The following TUBGCP3 variants were observed in gnomAD, a reference collection of about 807,000 sequenced individuals.
TUBGCP3 encodes gamma-tubulin complex component 3.
Under a neutral mutation model 123.1 loss-of-function variants are expected in TUBGCP3, and 50 were observed. The ratio of observed to expected loss-of-function variants is 0.41; its 90% CI spans 0.32 to 0.51. TUBGCP3 has a LOEUF of 0.51. Among genes scored for constraint, TUBGCP3 ranks in the 20% least tolerant of loss-of-function variants. The pLI, the probability that TUBGCP3 is intolerant of heterozygous loss-of-function variation, is 0.36. For synonymous variants in TUBGCP3, 405 were observed against 413.9 expected (o/e 0.98, Z 0.26); for missense variants, 882 against 1,127.0 (o/e 0.78, Z 3.11).
At position 112,545,953 on chromosome 13, in the gene TUBGCP3, A is replaced by G; in HGVS notation, c.1169-88T>C. The G allele has an allele frequency of 6.9e-7, 1 of 1,449,856 alleles. No homozygotes were observed. The highest frequency in any genetic ancestry group is 9.5e-7 in the Non-Finnish European group (1 of 1,052,346). 89.8% of individuals were successfully genotyped at this position (1,449,856 alleles called of 1,614,324 possible). A position where few individuals can be genotyped will look rare whatever the true frequency, so the allele number is the denominator to read the frequency against. On this transcript the variant is annotated intron_variant, in intron 10 of 21. Transcript: ENST00000261965. This position sits in a 1 kb window ranked among gnomAD's most constrained non-coding sequence, Gnocchi z 4.1. The stretch of plus-strand genomic sequence containing the variant: ...CACTTCTCACCAACCAAAGACGCCC[A>G]AGTAATTGAGATAAAGAGCATTTGT...
rs919242033 is a variant in TUBGCP3, at chr13:112,520,090, A to T, written c.1746-69T>A. The T allele has an allele frequency of 3.4e-6, 5 of 1,459,480 alleles. No homozygotes were observed. The African/African-American group carries it at 7.2e-5, about 21-fold the overall frequency. 90.4% of individuals were successfully genotyped at this position (1,459,480 alleles called of 1,614,324 possible). ...CTTAATGAACTTTAAAAAACGTATA[A>T]ACTATTAAAAGTAAGAGTTCAAATT... On this transcript the variant is annotated intron_variant, in intron 14 of 21. Coordinates refer to ENST00000261965, the MANE Select transcript of TUBGCP3 (RefSeq NM_006322.6).
chr13:112,570,512 T>C (rs1881315108), intron 1 of TUBGCP3, among the ~76,000 whole-genome samples: 1 of 147,366 alleles, frequency 6.8e-6, no homozygotes, highest in Non-Finnish European at 1.5e-5. Flanking sequence ...AAAAAACATA[T>C]ACACAGCCTT....
intron 20 of TUBGCP3, among the ~76,000 whole-genome samples, chr13:112,496,588 T>A (rs9550117): frequency 0.14 from 21,871 of 152,238 alleles, 1,911 homozygotes; most frequent in Non-Finnish European, 0.2. Flanking sequence ...TGAATCAGCG[T>A]GGACTTGGCC....
At chr13:112,559,762 A>G (rs1157302579) in intron 3 of TUBGCP3, among the ~76,000 whole-genome samples, 1 of 152,192 alleles carries the variant, frequency 6.6e-6, no homozygotes, top group Non-Finnish European at 1.5e-5. Flanking sequence ...AAAATATGTG[A>G]ATTATTTTTT....
intron 16 of TUBGCP3, among the ~76,000 whole-genome samples, chr13:112,518,070 T>C (rs1876301247): frequency 6.6e-6 from 1 of 152,142 alleles, no homozygotes; most frequent in African/African-American, 2.4e-5. Context: ...CAATAAAGGT[T>C]ACACACCAGG....
chr13:112,487,049 G>GTGTA (rs1452197700), intron 21 of TUBGCP3, among the ~76,000 whole-genome samples: 1 of 88,872 alleles, frequency 1.1e-5, no homozygotes, highest in Non-Finnish European at 2.2e-5. Flanking sequence ...GGCAAACACT[G>GTGTA]TGTATGTGTG....
At chr13:112,504,467 G>A (rs1402492968) in intron 18 of TUBGCP3, among the ~76,000 whole-genome samples, 159 bp downstream of exon 18, 10 of 133,650 alleles carry the variant, frequency 7.5e-5, no homozygotes, top group Admixed American at 1.6e-4. Flanking sequence ...CAGCCTAGGC[G>A]ACAGCAAGAC....
At position 112,582,514 on chromosome 13, in the gene TUBGCP3, G is replaced by C. The variant is rs552117311; in HGVS notation, c.76+5391C>G. Reference sequence around the variant, plus strand: ...CCTGGCAGCCAAGGCTGCCACGTGAGGAGCCCAGGGACCAGAGAGGGGAAC... The same window carrying C: ...CCTGGCAGCCAAGGCTGCCACGTGACGAGCCCAGGGACCAGAGAGGGGAAC... On this transcript the variant is annotated intron_variant, in intron 1 of 21. Transcript: ENST00000261965. Among the ~76,000 whole-genome samples the C allele has an allele frequency of 5.6e-4, 85 of 152,316 alleles. 3 individuals are homozygous for C. In the South Asian group the frequency reaches 0.017, roughly 31 times the overall value.
chr13:112,582,704 A>AT (rs1882360429), intron 1 of TUBGCP3, among the ~76,000 whole-genome samples: 1 of 152,046 alleles, frequency 6.6e-6, no homozygotes, highest in Admixed American at 6.5e-5. Flanking sequence ...AGAGTACTCC[A>AT]TTTTTTTGGC....
At chr13:112,553,379 T>A (rs1879754292) in intron 8 of TUBGCP3, among the ~76,000 whole-genome samples, 1 of 152,260 alleles carries the variant, frequency 6.6e-6, no homozygotes, top group Non-Finnish European at 1.5e-5. Flanking sequence ...TGTGATTCAA[T>A]AATTTTTGGA....
chr13:112,527,002 C>A lies in TUBGCP3; in HGVS notation c.1495G>T (p.Asp499Tyr). 1 of 1,614,110 alleles carries A rather than the reference C, an allele frequency of 6.2e-7. No individual in the cohort carries two copies. Among genetic ancestry groups the A allele is most frequent in the Admixed American group, 1.7e-5 (1 of 60,016 alleles). The change falls in exon 13 of 22, where the codon GAT becomes TAT. Residue 499 changes from aspartate to tyrosine, a missense_variant. Coordinates refer to ENST00000261965, the MANE Select transcript of TUBGCP3 (RefSeq NM_006322.6). ...ATCATCTTTGTAGTGGGAGTCTGATCATGACAAACTTGGTGCAAGAAATTT... is the reference window on the plus strand; with the variant it reads ...ATCATCTTTGTAGTGGGAGTCTGATAATGACAAACTTGGTGCAAGAAATTT... ...SINFLHQVCH[D>Y]QTPTTKMIAV...
At chr13:112,490,348 T>C (rs1026984127) in intron 20 of TUBGCP3, among the ~76,000 whole-genome samples, 1 of 152,232 alleles carries the variant, frequency 6.6e-6, no homozygotes, top group South Asian at 2.1e-4. Context: ...CTCGGCCTCC[T>C]GGGTTCAAGT....
chr13:112,579,692 C>A lies in TUBGCP3; in HGVS notation c.76+8213G>T, dbSNP rs548570080. The stretch of plus-strand genomic sequence containing the variant: ...TGGAGCTCTCCCACACTGCTGTGTG[C>A]GGGTGGAGCCATGGCATCCCTGGAG... On this transcript the variant is annotated intron_variant, in intron 1 of 21. Transcript: ENST00000261965. Among the ~76,000 whole-genome samples the A allele has an allele frequency of 4.0e-5, 6 of 149,856 alleles. No individual in the cohort carries two copies. In the East Asian group the frequency reaches 1.2e-3, roughly 30 times the overall value.
In TUBGCP3 at chr13:112,485,151, A is replaced by G. The variant is rs1468197743; in HGVS notation, c.*842T>C. On this transcript the variant is annotated 3_prime_UTR_variant, in exon 22 of 22. Transcript: ENST00000261965. ...GGTCAGTAGTATATAAATATTTACA[A>G]TGAAAAAATAGGCAAGGAAAAAGGA... The G allele has an allele frequency of 2.0e-5, 3 of 152,634 alleles. No individual in the cohort carries two copies. 9.5% of individuals were successfully genotyped at this position (152,634 alleles called of 1,614,324 possible).
At chr13:112,562,533 G>A (rs1000516760) in intron 3 of TUBGCP3, among the ~76,000 whole-genome samples, 1 of 152,194 alleles carries the variant, frequency 6.6e-6, no homozygotes, top group African/African-American at 2.4e-5. Context: ...ACTCACCCTG[G>A]AGCTTAAGCC....
chr13:112,563,014 C>G (rs960848404), intron 3 of TUBGCP3, among the ~76,000 whole-genome samples: 7 of 152,170 alleles, frequency 4.6e-5, no homozygotes, highest in Non-Finnish European at 8.8e-5. Flanking sequence ...CCTGCCCGGG[C>G]AGTGCAGATG....
intron 11 of TUBGCP3, among the ~76,000 whole-genome samples, chr13:112,532,755 TA>T (rs1309579598): frequency 6.6e-6 from 1 of 152,246 alleles, no homozygotes; most frequent in Non-Finnish European, 1.5e-5. Context: ...CTTTCCAACT[TA>T]ATCATTCGGA....
chr13:112,565,094 A>G lies in TUBGCP3; in HGVS notation c.252+17T>C. On this transcript the variant is annotated intron_variant, in intron 3 of 21. Transcript: ENST00000261965. ...CTCAACAATGAGTGCAATGACCTCCAGAATTCTGCACTGTACCTGTGAATG... is the reference window on the plus strand; with the variant it reads ...CTCAACAATGAGTGCAATGACCTCCGGAATTCTGCACTGTACCTGTGAATG... The G allele has an allele frequency of 6.2e-7, 1 of 1,610,876 alleles. No homozygotes were observed. Among genetic ancestry groups the G allele is most frequent in the Non-Finnish European group, 8.5e-7 (1 of 1,178,038 alleles).
At chr13:112,567,249 T>G (rs1221894247) in intron 2 of TUBGCP3, among the ~76,000 whole-genome samples, 2 of 151,708 alleles carry the variant, frequency 1.3e-5, no homozygotes, top group Non-Finnish European at 2.9e-5. Context: ...TGCAGTTTTC[T>G]TCTTTAAAAG....
Sources: gnomAD v4.1 joint callset for allele counts (sites outside exome capture counted in the v4.1 genomes callset) on GRCh38, gnomAD v4.1.1 for gene constraint, Gnocchi (gnomAD v3.1) non-coding constraint, MANE v1.5 for transcripts, NCBI Gene and HGNC (gene_info 2026-07-23, HGNC 2026-07-21) for gene names.